Variants in SOX5 observed in about 807,000 individuals in gnomAD.
SOX5 encodes SRY-box transcription factor 5, also known as transcription factor SOX-5.
A neutral mutation model predicts 92.0 loss-of-function variants in SOX5; 9 were observed. The observed-to-expected ratio is 0.10, with a 90% CI of 0.06 to 0.17. The LOEUF (loss-of-function observed/expected upper bound fraction) is 0.17, where lower values mean the gene tolerates loss of function less well. Ranked by LOEUF, SOX5 falls within the 10% of genes least tolerant of loss-of-function variation. The pLI, the probability that SOX5 is intolerant of heterozygous loss-of-function variation, is 1.00. For synonymous variants in SOX5, 344 were observed against 336.3 expected (o/e 1.02, Z -0.25); for missense variants, 642 against 944.5 (o/e 0.68, Z 4.20).
intron 4 of SOX5, among the ~76,000 whole-genome samples, chr12:24,081,308 A>G (rs1943303991): frequency 1.3e-5 from 2 of 151,994 alleles, no homozygotes; most frequent in Admixed American, 6.6e-5. Context: ...TTTATTAAAT[A>G]TGTTTGACTG....
chr12:24,163,062 A>G (rs1278624157), intron 4 of SOX5, among the ~76,000 whole-genome samples: 3 of 152,118 alleles, frequency 2.0e-5, no homozygotes, highest in Non-Finnish European at 4.4e-5. Flanking sequence ...TGGAGGAGCT[A>G]TTTCAGCTGG....
At chr12:23,609,107 C>A (rs2075642487) in intron 8 of SOX5, among the ~76,000 whole-genome samples, 1 of 151,798 alleles carries the variant, frequency 6.6e-6, no homozygotes, top group Non-Finnish European at 1.5e-5. Context: ...GAAGGCAGTA[C>A]AATTAAAAGA....
At chr12:23,967,558 T>G (rs1947744351) in intron 4 of SOX5, among the ~76,000 whole-genome samples, 1 of 152,058 alleles carries the variant, frequency 6.6e-6, no homozygotes, top group African/African-American at 2.4e-5. Context: ...CTTTTCTGAC[T>G]AAAAACAATA....
intron 4 of SOX5, among the ~76,000 whole-genome samples, chr12:24,025,055 G>GA (rs894811978): frequency 6.6e-6 from 1 of 151,866 alleles, no homozygotes; most frequent in African/African-American, 2.4e-5. Context: ...AATGACTTGA[G>GA]AAAAAACTAA....
chr12:23,543,144 C>T, intron 13 of SOX5, 67 bp downstream of exon 13: 1 of 1,362,454 alleles, frequency 7.3e-7, no homozygotes, highest in Non-Finnish European at 1.0e-6. Context: ...AGGATCCTTC[C>T]ACAACTGCAG....
At chr12:24,423,769 CG>C (rs1378923194) in intron 1 of SOX5, among the ~76,000 whole-genome samples, 1 of 152,182 alleles carries the variant, frequency 6.6e-6, no homozygotes, top group African/African-American at 2.4e-5. Flanking sequence ...CTGCAATGTA[CG>C]GGCTATTGAT....
intron 7 of SOX5, among the ~76,000 whole-genome samples, chr12:23,662,678 T>G (rs2083220312): frequency 6.6e-6 from 1 of 152,172 alleles, no homozygotes; most frequent in Admixed American, 6.5e-5. Context: ...AATGATTAGG[T>G]TCCTTAAACT....
Position 23,970,841 on chromosome 12 carries a change from A to ATATATATATAATTTTTAAT in SOX5, c.-1-74818_-1-74817insATTAAAAATTATATATATA. Among the ~76,000 whole-genome samples, 2 of 21,874 alleles carry ATATATATATAATTTTTAAT rather than the reference A, an allele frequency of 9.1e-5. 1 individual carries two copies. Among genetic ancestry groups the ATATATATATAATTTTTAAT allele is most frequent in the Non-Finnish European group, 2.1e-4 (2 of 9,706 alleles). 14.4% of individuals were successfully genotyped at this position (21,874 alleles called of 152,430 possible). A position where few individuals can be genotyped will look rare whatever the true frequency, so the allele number is the denominator to read the frequency against. On this transcript the variant is annotated intron_variant, in intron 4 of 4. Coordinates refer to the SOX5 transcript ENST00000446891. ...ACATGGGACTTTATATATATATATA[A>ATATATATATAATTTTTAAT]TTTTTTTTTTTTTTTAAGAAATGGG... is the stretch of plus-strand genomic sequence containing the variant.
intron 1 of SOX5, among the ~76,000 whole-genome samples, chr12:24,534,187 T>C (rs976554374): frequency 6.6e-6 from 1 of 152,112 alleles, no homozygotes; most frequent in Non-Finnish European, 1.5e-5. Context: ...CTTGCAGTTT[T>C]TGAAAATTAT....
At position 24,025,292 on chromosome 12, in the gene SOX5, T is replaced by G. The variant is rs543124288; in HGVS notation, c.-1-129268A>C. ...TCCAAAGCGGAGGCCACCAGAAATC[T>G]GAGATCCTGGTAAACATGACTTGTG... is the stretch of plus-strand genomic sequence containing the variant. On this transcript the variant is annotated intron_variant, in intron 4 of 4. Coordinates refer to the SOX5 transcript ENST00000446891. Among the ~76,000 whole-genome samples, 4 of 152,068 alleles carry G rather than the reference T, an allele frequency of 2.6e-5. No individual in the cohort carries two copies. The South Asian group carries it at 8.3e-4, about 32-fold the overall frequency.
chr12:24,055,175 C>T (rs1957975445), intron 4 of SOX5, among the ~76,000 whole-genome samples: 1 of 152,164 alleles, frequency 6.6e-6, no homozygotes, highest in South Asian at 2.1e-4. Context: ...AACGTTTCAT[C>T]CCAAGGATCA....
chr12:23,721,855 G>A (rs1339060783), intron 6 of SOX5, among the ~76,000 whole-genome samples: 1 of 152,180 alleles, frequency 6.6e-6, no homozygotes, highest in East Asian at 1.9e-4. Context: ...AATTATCCAT[G>A]AATATGGTTA....
chr12:23,715,071 G>A (rs532612607), intron 6 of SOX5, among the ~76,000 whole-genome samples: 16 of 152,120 alleles, frequency 1.1e-4, no homozygotes, highest in South Asian at 2.1e-4. Context: ...AGGCCGAGGC[G>A]GGCGGATCAC....
chr12:23,938,530 T>G (rs141171127), intron 1 of SOX5, among the ~76,000 whole-genome samples: 3 of 151,236 alleles, frequency 2.0e-5, no homozygotes, highest in African/African-American at 7.2e-5. Context: ...AGTTGTTCAA[T>G]CATTTATTCT....
chr12:24,541,569 A>T lies in SOX5; in HGVS notation c.-251+20760T>A, dbSNP rs142866771. ...GCATTTGAATTATTGATGAAATTGC[A>T]ATAAAGCATTTCTTTGTTACACATA... On this transcript the variant is annotated intron_variant, in intron 1 of 4. Transcript: ENST00000446891. Among the ~76,000 whole-genome samples the T allele has an allele frequency of 1.6e-4, 25 of 152,322 alleles. 1 individual carries two copies. Among genetic ancestry groups the T allele is most frequent in the Non-Finnish European group, 1.2e-4 (8 of 68,026 alleles).
chr12:23,535,093 C>T (rs566981236), intron 14 of SOX5, among the ~76,000 whole-genome samples: 1 of 152,272 alleles, frequency 6.6e-6, no homozygotes, highest in East Asian at 1.9e-4. Flanking sequence ...CTGTTTGTTA[C>T]TACTGTTTTA....
intron 1 of SOX5, among the ~76,000 whole-genome samples, chr12:24,380,345 T>G (rs2136350993): frequency 6.6e-6 from 1 of 152,364 alleles, no homozygotes; most frequent in South Asian, 2.1e-4. Context: ...ATTCCTTTGT[T>G]TTGATGTCGG....
At chr12:23,778,947 G>C (rs2095193706) in intron 3 of SOX5, among the ~76,000 whole-genome samples, 1 of 152,166 alleles carries the variant, frequency 6.6e-6, no homozygotes, top group Non-Finnish European at 1.5e-5. Context: ...GATCAAAATG[G>C]TTAGATGACA....
intron 2 of SOX5, among the ~76,000 whole-genome samples, chr12:24,337,637 C>T (rs1304428449): frequency 1.3e-5 from 2 of 152,074 alleles, no homozygotes; most frequent in African/African-American, 2.4e-5. Flanking sequence ...ACCACACACT[C>T]GGCCTGAATC....
Sources: gnomAD v4.1 joint callset for allele counts (sites outside exome capture counted in the v4.1 genomes callset) on GRCh38, gnomAD v4.1.1 for gene constraint, MANE v1.5 for transcripts, NCBI Gene and HGNC (gene_info 2026-07-23, HGNC 2026-07-21) for gene names.